Variants in SPPL3 observed in about 807,000 individuals in gnomAD.
SPPL3 encodes signal peptide peptidase-like 3.
A neutral mutation model predicts 42.4 loss-of-function variants in SPPL3; 5 were observed. The observed-to-expected ratio is 0.12, with a 90% CI of 0.06 to 0.25. The LOEUF is 0.25. Among genes scored for constraint, SPPL3 ranks in the 10% least tolerant of loss-of-function variants. SPPL3 has a pLI of 1.00. For missense variants in SPPL3, 235 were observed against 489.0 expected (o/e 0.48, Z 4.90); for synonymous variants, 195 against 181.8 (o/e 1.07, Z -0.58).
intron 1 of SPPL3, among the ~76,000 whole-genome samples, chr12:120,876,604 G>A (rs1403718559): frequency 1.9e-4 from 19 of 97,606 alleles, no homozygotes; most frequent in South Asian, 3.7e-4. Context: ...GTGACAGAGC[G>A]AGACTCTGTC....
intron 2 of SPPL3, among the ~76,000 whole-genome samples, chr12:120,805,375 T>A (rs952250563): frequency 1.4e-4 from 21 of 152,146 alleles, no homozygotes; most frequent in African/African-American, 4.8e-4. Flanking sequence ...ATAAGAGAAA[T>A]TTCTTCAACC....
intron 2 of SPPL3, among the ~76,000 whole-genome samples, chr12:120,808,840 T>G (rs1262348636): frequency 6.6e-6 from 1 of 152,226 alleles, no homozygotes; most frequent in Non-Finnish European, 1.5e-5. Context: ...GTATTAGGGT[T>G]GAGTCTAAAG....
At chr12:120,791,695 T>A (rs1054448867) in intron 2 of SPPL3, 138 bp from the exon 3 acceptor site, 2 of 621,848 alleles carry the variant, frequency 3.2e-6, no homozygotes, top group African/African-American at 3.8e-5. Flanking sequence ...ATAGCTCTTG[T>A]AACATTTTAA....
chr12:120,785,741 C>T (rs938666019), intron 3 of SPPL3, among the ~76,000 whole-genome samples: 1 of 150,394 alleles, frequency 6.6e-6, no homozygotes, highest in Admixed American at 6.6e-5. Flanking sequence ...AAGGCTGAGG[C>T]AGGAGGATCA....
intron 1 of SPPL3, among the ~76,000 whole-genome samples, chr12:120,874,326 G>A (rs1873012597): frequency 6.6e-6 from 1 of 151,734 alleles, no homozygotes; most frequent in African/African-American, 2.4e-5. Context: ...GGAGATGGGT[G>A]CCTGTAGTCC....
chr12:120,888,582 G>A (rs1873537529), intron 1 of SPPL3, among the ~76,000 whole-genome samples: 1 of 152,130 alleles, frequency 6.6e-6, no homozygotes, highest in African/African-American at 2.4e-5. Context: ...TGTATCATTC[G>A]ATTAACAGAA....
intron 1 of SPPL3, among the ~76,000 whole-genome samples, chr12:120,874,486 G>A (rs1350790690): frequency 8.8e-5 from 13 of 148,222 alleles, no homozygotes; most frequent in Non-Finnish European, 1.8e-4. Context: ...AAAGAAATAA[G>A]TGAGTAAATG....
intron 2 of SPPL3, chr12:120,791,963 A>G (rs772700566): frequency 1.2e-4 from 21 of 180,450 alleles, no homozygotes; most frequent in Non-Finnish European, 2.1e-4. Context: ...TCATTTCCCT[A>G]TACCCTGTCA....
At chr12:120,770,776 CTATCT>C (rs940677250) in intron 6 of SPPL3, among the ~76,000 whole-genome samples, 1 of 152,172 alleles carries the variant, frequency 6.6e-6, no homozygotes, top group African/African-American at 2.4e-5. Context: ...TTGACACTAT[CTATCT>C]TATATGTCAT....
intron 1 of SPPL3, among the ~76,000 whole-genome samples, chr12:120,871,365 C>T (rs1292574776): frequency 6.6e-6 from 1 of 152,072 alleles, no homozygotes; most frequent in East Asian, 1.9e-4. Flanking sequence ...TGATAAATCA[C>T]TGAAAGTACA....
intron 6 of SPPL3, among the ~76,000 whole-genome samples, chr12:120,781,551 T>G (rs933741431): frequency 7.1e-6 from 1 of 140,690 alleles, no homozygotes; most frequent in Non-Finnish European, 1.5e-5. Context: ...CTCCTTATTG[T>G]TACGTTTTTT....
intron 1 of SPPL3, among the ~76,000 whole-genome samples, chr12:120,852,816 T>C (rs7138781): frequency 0.7 from 33,385 of 48,024 alleles, 14,534 homozygotes; most frequent in East Asian, 0.93. Context: ...ATATGAAATA[T>C]ATATTTCATA....
At chr12:120,831,006 T>C (rs1318811213) in intron 1 of SPPL3, among the ~76,000 whole-genome samples, 1 of 152,068 alleles carries the variant, frequency 6.6e-6, no homozygotes, top group Non-Finnish European at 1.5e-5. Flanking sequence ...CTCCCCAGTG[T>C]GGGAGGGCAT....
chr12:120,884,209 A>AGAG (rs1179322349), intron 1 of SPPL3, among the ~76,000 whole-genome samples: 1 of 152,170 alleles, frequency 6.6e-6, no homozygotes, highest in Non-Finnish European at 1.5e-5. Context: ...GACAGGGGAC[A>AGAG]GAGGCATGAG....
At chr12:120,791,817 C>G (rs1017770946) in intron 2 of SPPL3, 2 of 374,924 alleles carry the variant, frequency 5.3e-6, no homozygotes, top group African/African-American at 4.3e-5. Context: ...ATATCATATC[C>G]TTAATTACTT....
Position 120,901,455 on chromosome 12 carries a change from G to T in SPPL3, c.23+2390C>A, listed in dbSNP as rs965864657. Reference sequence around the variant, plus strand: ...AAAATACAAAAAAAAGCCGGGCATGGTGGCATGTGGCTGTAGTCCCAGCTA... The same window carrying T: ...AAAATACAAAAAAAAGCCGGGCATGTTGGCATGTGGCTGTAGTCCCAGCTA... On this transcript the variant is annotated intron_variant, in intron 1 of 10. Coordinates refer to ENST00000353487, the MANE Select transcript of SPPL3 (RefSeq NM_139015.5). Among the ~76,000 whole-genome samples, 25 of 151,980 alleles carry T rather than the reference G, an allele frequency of 1.6e-4. 1 individual carries two copies. Among genetic ancestry groups the T allele is most frequent in the Non-Finnish European group, 1.8e-4 (12 of 68,016 alleles).
At chr12:120,850,473 A>G (rs554320781) in intron 1 of SPPL3, among the ~76,000 whole-genome samples, 2 of 144,602 alleles carry the variant, frequency 1.4e-5, no homozygotes, top group African/African-American at 5.2e-5. Flanking sequence ...AGCCTGGACA[A>G]CATAGTGAGA....
At chr12:120,867,099 T>C (rs1345246329) in intron 1 of SPPL3, among the ~76,000 whole-genome samples, 10 of 152,248 alleles carry the variant, frequency 6.6e-5, no homozygotes, top group Non-Finnish European at 2.9e-5. Flanking sequence ...TTAACTGTAT[T>C]ATTTATCTTG....
chr12:120,775,587 A>G (rs1286751557), intron 6 of SPPL3, among the ~76,000 whole-genome samples: 1 of 152,240 alleles, frequency 6.6e-6, no homozygotes, highest in Non-Finnish European at 1.5e-5. Context: ...TAGTCCCTGA[A>G]CTAGGCAGGG....
Sources: allele counts gnomAD v4.1 joint callset (sites outside exome capture counted in the v4.1 genomes callset), GRCh38; gene constraint gnomAD v4.1.1; transcripts MANE v1.5; gene names NCBI Gene and HGNC (gene_info 2026-07-23, HGNC 2026-07-21).